Variants in TEX9 observed in about 807,000 individuals in gnomAD.
TEX9 encodes the protein testis-expressed protein 9.
Under a neutral mutation model 59.6 loss-of-function variants are expected in TEX9, and 74 were observed. The ratio of observed to expected loss-of-function variants is 1.24; its 90% confidence interval spans 1.03 to 1.51. TEX9 has a LOEUF of 1.51. Ranked by LOEUF, TEX9 falls within the 40% of genes most tolerant of loss-of-function variation. The pLI, the probability that TEX9 is intolerant of heterozygous loss-of-function variation, is 0.00. For missense variants in TEX9, 522 were observed against 447.8 expected (o/e 1.17, Z -1.49); for synonymous variants, 186 against 152.2 (o/e 1.22, Z -1.64).
chr15:56,351,504 C>T (rs942075328), intron 1 of TEX9, among the ~76,000 whole-genome samples: 2 of 152,124 alleles, frequency 1.3e-5, no homozygotes, highest in African/African-American at 4.8e-5. Flanking sequence ...GGACTGAAAC[C>T]ACCCAAGAGC....
rs11071264 is a variant in TEX9, at chr15:56,365,499, T to C, written c.27+22T>C. On this transcript the variant is annotated intron_variant, in intron 1 of 12. Coordinates refer to ENST00000352903, the Ensembl canonical transcript of TEX9. ...CACGGTCAGTTCAACTCCAGGCTCC[T>C]GGGGAGCGTCTGGGTTCCGGCGACT... 4.9e-4 allele frequency: 784 copies of C among 1,614,182 alleles called. 6 individuals carry two copies. In the African/African-American group the frequency reaches 9.4e-3, roughly 19 times the overall value.
At chr15:56,416,692 A>G (rs2140186453) in intron 10 of TEX9, among the ~76,000 whole-genome samples, 1 of 151,674 alleles carries the variant, frequency 6.6e-6, no homozygotes, top group East Asian at 1.9e-4. Flanking sequence ...TCTGTCTGCC[A>G]GGTTTTGGTA....
At chr15:56,347,896 T>C (rs189917157) in intron 1 of TEX9, among the ~76,000 whole-genome samples, 1 of 152,170 alleles carries the variant, frequency 6.6e-6, no homozygotes, top group African/African-American at 2.4e-5. Context: ...GAACATATAA[T>C]GAGCTCTTAA....
downstream of TEX9, chr15:56,446,694 C>G (rs2050906746): frequency 1.7e-6 from 1 of 604,180 alleles, no homozygotes; most frequent in Non-Finnish European, 2.8e-6. Flanking sequence ...GCAGGATTTT[C>G]TACATCTTAA....
intron 12 of TEX9, chr15:56,428,576 T>C (rs1163687570): frequency 3.2e-6 from 2 of 624,338 alleles, no homozygotes; most frequent in East Asian, 5.7e-5. Context: ...TTCAAAGAAT[T>C]CCCTTTTTAG....
At chr15:56,380,503 A>G (rs1212344523) in intron 3 of TEX9, among the ~76,000 whole-genome samples, 3 of 152,154 alleles carry the variant, frequency 2.0e-5, no homozygotes, top group African/African-American at 7.2e-5. Context: ...TACTATTACC[A>G]GTGACTTTTG....
At chr15:56,271,785 T>C (rs1046241298) in intron 1 of TEX9, among the ~76,000 whole-genome samples, 8 of 152,236 alleles carry the variant, frequency 5.3e-5, no homozygotes, top group South Asian at 2.1e-4. Context: ...GTCAAGTCTC[T>C]TTTTAATTAT....
intron 9 of TEX9, among the ~76,000 whole-genome samples, chr15:56,402,835 C>G (rs2048865941): frequency 6.6e-6 from 1 of 152,196 alleles, no homozygotes; most frequent in African/African-American, 2.4e-5. Context: ...TCAACATACA[C>G]AAATCAATAA....
intron 9 of TEX9, chr15:56,398,206 A>G (rs1246801391): frequency 6.6e-6 from 1 of 152,248 alleles, no homozygotes; most frequent in Non-Finnish European, 1.5e-5. Flanking sequence ...TGAAGAATTC[A>G]TGTAAAACAG....
At chr15:56,273,898 G>A (rs1041562518) in intron 1 of TEX9, among the ~76,000 whole-genome samples, 15 of 152,122 alleles carry the variant, frequency 9.9e-5, no homozygotes, top group Admixed American at 3.9e-4. Flanking sequence ...TGAATATAAT[G>A]TATCCAGGTG....
intron 1 of TEX9, among the ~76,000 whole-genome samples, chr15:56,261,413 A>T (rs2044263049): frequency 6.6e-6 from 1 of 152,052 alleles, no homozygotes; most frequent in Non-Finnish European, 1.5e-5. Context: ...TTTAACCAAA[A>T]AATAATAATA....
intron 9 of TEX9, among the ~76,000 whole-genome samples, chr15:56,409,501 G>T (rs2049243734): frequency 6.6e-6 from 1 of 151,884 alleles, no homozygotes; most frequent in African/African-American, 2.4e-5. Context: ...ATCTTTATTT[G>T]ATTATTTTAT....
At chr15:56,447,060 A>G, downstream of TEX9, 1 of 674,158 alleles carries the variant, frequency 1.5e-6, no homozygotes, top group Non-Finnish European at 2.5e-6. Context: ...AGCGGGTATT[A>G]TTTTAGATCC....
chr15:56,283,049 GGT>G (rs3985761), intron 1 of TEX9, among the ~76,000 whole-genome samples: 43,243 of 148,364 alleles, frequency 0.29, 6,915 homozygotes, highest in Middle Eastern at 0.47. Flanking sequence ...TACATTGTGT[GGT>G]GTGTGTGTGT....
At chr15:56,452,982 A>C in the TEX9 span, among the ~76,000 whole-genome samples, 1 of 152,266 alleles carries the variant, frequency 6.6e-6, no homozygotes, top group South Asian at 2.1e-4. Context: ...TCTTTTTTAC[A>C]TGAGTTTTTT....
chr15:56,282,834 A>G (rs1210778340), intron 1 of TEX9, among the ~76,000 whole-genome samples: 2 of 152,172 alleles, frequency 1.3e-5, no homozygotes, highest in African/African-American at 2.4e-5. Flanking sequence ...GTTAATTTGT[A>G]TAAGAGTTGA....
intron 1 of TEX9, among the ~76,000 whole-genome samples, chr15:56,293,813 C>T (rs1179804767): frequency 2.6e-5 from 4 of 152,240 alleles, no homozygotes; most frequent in African/African-American, 9.6e-5. Context: ...CCATCCATGA[C>T]TTCATGCAGG....
chr15:56,451,827 G>T, the TEX9 span, among the ~76,000 whole-genome samples: 261 of 152,236 alleles, frequency 1.7e-3, 1 homozygote, highest in African/African-American at 6.0e-3. Context: ...TTTGACCAAA[G>T]GGTAATGTGA....
At chr15:56,252,186 A>G (rs1460049492) in intron 1 of TEX9, among the ~76,000 whole-genome samples, 1 of 151,720 alleles carries the variant, frequency 6.6e-6, no homozygotes, top group African/African-American at 2.4e-5. Context: ...ATACTATCTC[A>G]TTGTAGGCTA....
Sources: gnomAD v4.1 joint callset for allele counts (sites outside exome capture counted in the v4.1 genomes callset) on GRCh38, gnomAD v4.1.1 for gene constraint, MANE v1.5 for transcripts, NCBI Gene and HGNC (gene_info 2026-07-23, HGNC 2026-07-21) for gene names.